Variants in CDK8 observed in about 807,000 individuals in gnomAD.
CDK8 encodes cyclin-dependent kinase 8.
A neutral mutation model predicts 71.5 loss-of-function variants in CDK8; 29 were observed. That is an observed-to-expected ratio of 0.41 (90% CI 0.30 to 0.55). The LOEUF is 0.55. Ranked by LOEUF, CDK8 falls within the 20% of genes least tolerant of loss-of-function variation. The pLI is 0.37. For synonymous variants in CDK8, 161 were observed against 192.1 expected (o/e 0.84, Z 1.34); for missense variants, 288 against 572.6 (o/e 0.50, Z 5.07).
At chr13:26,280,252 T>G (rs1386519088) in intron 1 of CDK8, among the ~76,000 whole-genome samples, 1 of 152,220 alleles carries the variant, frequency 6.6e-6, no homozygotes, top group East Asian at 1.9e-4. Context: ...CTTTCAAATA[T>G]TCATTTAAAC....
Position 26,254,853 on chromosome 13 carries a change from G to T in CDK8, c.128+84G>T. On this transcript the variant is annotated intron_variant, in intron 1 of 12. Transcript: ENST00000381527. The surrounding 1 kb of genome is among the most constrained non-coding windows in gnomAD (Gnocchi z 6.7). ...AGGTAGCCCGGAGGGAGAGCGGGCC[G>T]CCGGGGTGCCGGGCTCTGACTTCCT... 1 of 1,534,372 alleles carries T rather than the reference G, an allele frequency of 6.5e-7. No homozygotes were observed. The highest frequency in any genetic ancestry group is 8.8e-7 in the Non-Finnish European group (1 of 1,134,964).
intron 1 of CDK8, among the ~76,000 whole-genome samples, chr13:26,262,204 A>G (rs1332972089): frequency 1.3e-5 from 2 of 152,244 alleles, no homozygotes; most frequent in African/African-American, 4.8e-5. Context: ...CCTGCAAAAC[A>G]TAGTCATTCA....
chr13:26,274,025 T>C (rs188299048), intron 1 of CDK8, among the ~76,000 whole-genome samples: 2 of 152,306 alleles, frequency 1.3e-5, no homozygotes, highest in East Asian at 3.9e-4. Context: ...TATATGATTG[T>C]ACTTTAAAAA....
intron 5 of CDK8, among the ~76,000 whole-genome samples, chr13:26,384,246 G>T (rs1593303682): frequency 1.4e-5 from 2 of 147,614 alleles, no homozygotes; most frequent in African/African-American, 2.5e-5. Context: ...CAACTTTTGG[G>T]TTTTTTTTTT....
chr13:26,368,415 T>G (rs1318499523), intron 4 of CDK8, among the ~76,000 whole-genome samples: 1 of 152,202 alleles, frequency 6.6e-6, no homozygotes, highest in Non-Finnish European at 1.5e-5. Flanking sequence ...ATTCAAAATC[T>G]TTCCTAAACA....
intron 1 of CDK8, among the ~76,000 whole-genome samples, chr13:26,261,078 T>C (rs1871749223): frequency 6.6e-6 from 1 of 152,234 alleles, no homozygotes; most frequent in Admixed American, 6.5e-5. Context: ...TAGCAATCTT[T>C]TATCACCTCA....
chr13:26,353,244 A>C (rs1343368322), intron 3 of CDK8, among the ~76,000 whole-genome samples: 4 of 152,114 alleles, frequency 2.6e-5, no homozygotes, highest in Non-Finnish European at 4.4e-5. Context: ...TCCCATTTTT[A>C]CATTTTTCCA....
intron 1 of CDK8, among the ~76,000 whole-genome samples, chr13:26,280,231 A>G (rs146409036): frequency 8.3e-4 from 127 of 152,380 alleles, no homozygotes; most frequent in African/African-American, 2.8e-3. Flanking sequence ...TGGCTAAGAA[A>G]CTTAAATAAA....
intron 1 of CDK8, among the ~76,000 whole-genome samples, chr13:26,285,615 C>T (rs755430030): frequency 2.6e-5 from 4 of 152,126 alleles, no homozygotes; most frequent in Non-Finnish European, 2.9e-5. Context: ...CACTTCCATT[C>T]GACATTGTAC....
intron 1 of CDK8, among the ~76,000 whole-genome samples, chr13:26,255,321 A>G (rs952850361): frequency 3.9e-5 from 6 of 152,150 alleles, no homozygotes; most frequent in African/African-American, 1.2e-4. Context: ...AAATGTTGCA[A>G]TTGCTATTTA....
chr13:26,265,369 C>T (rs1407436421), intron 1 of CDK8, among the ~76,000 whole-genome samples: 1 of 152,094 alleles, frequency 6.6e-6, no homozygotes, highest in African/African-American at 2.4e-5. Flanking sequence ...ATGGAAGTAC[C>T]TAATCTGCCC....
At chr13:26,387,969 G>A (rs117252893) in intron 6 of CDK8, among the ~76,000 whole-genome samples, 10 of 152,316 alleles carry the variant, frequency 6.6e-5, no homozygotes, top group Admixed American at 1.3e-4. Flanking sequence ...TACATAGTAT[G>A]TAGTGAGAAC....
Position 26,401,540 on chromosome 13 carries a change from C to T in CDK8, c.1185C>T (p.His395=), listed in dbSNP as rs1249136784. 1.2e-6 allele frequency: 2 copies of T among 1,614,168 alleles called. No individual in the cohort carries two copies. Among genetic ancestry groups the T allele is most frequent in the Non-Finnish European group, 1.7e-6 (2 of 1,180,034 alleles). Residue 395 remains histidine, a synonymous_variant, in exon 12 of 13, where the codon CAC becomes CAT. Coordinates refer to ENST00000381527, the MANE Select transcript of CDK8 (RefSeq NM_001260.3). The surrounding 1 kb of genome is among the most constrained non-coding windows in gnomAD (Gnocchi z 4.5). Reference sequence around the variant, plus strand: ...ACCCAGGGAATCAAGACAGCAGTCACACACAGGGACCCCCGTTGAAGAAAG... The same window carrying T: ...ACCCAGGGAATCAAGACAGCAGTCATACACAGGGACCCCCGTTGAAGAAAG... ...TGHPGNQDSS[H]TQGPPLKKVR... is the part of the protein sequence containing the mutation.
chr13:26,380,609 C>A (rs1218749895), intron 4 of CDK8, among the ~76,000 whole-genome samples: 2 of 151,958 alleles, frequency 1.3e-5, no homozygotes, highest in African/African-American at 2.4e-5. Context: ...TTAGCAGGAA[C>A]TACAGGCGTG....
At chr13:26,369,585 G>A (rs1350008669) in intron 4 of CDK8, among the ~76,000 whole-genome samples, 6 of 131,458 alleles carry the variant, frequency 4.6e-5, no homozygotes, top group Non-Finnish European at 9.4e-5. Flanking sequence ...CTGGAGTGCA[G>A]TAGCGTGATC....
intron 1 of CDK8, among the ~76,000 whole-genome samples, chr13:26,263,052 A>C (rs1156976718): frequency 2.0e-5 from 3 of 152,250 alleles, no homozygotes; most frequent in Admixed American, 2.0e-4. Flanking sequence ...GGATTGAATA[A>C]AAAGAAAACT....
At chr13:26,315,813 C>G (rs1296085561) in intron 1 of CDK8, among the ~76,000 whole-genome samples, 1 of 152,128 alleles carries the variant, frequency 6.6e-6, no homozygotes, top group Non-Finnish European at 1.5e-5. Flanking sequence ...AAAGGACAAT[C>G]AGGATTCTGG....
At chr13:26,297,920 G>T (rs1437952970) in intron 1 of CDK8, among the ~76,000 whole-genome samples, 1 of 152,134 alleles carries the variant, frequency 6.6e-6, no homozygotes, top group African/African-American at 2.4e-5. Flanking sequence ...GTTATAGGGT[G>T]CTGTCCTCTC....
chr13:26,279,664 A>C (rs923310246), intron 1 of CDK8, among the ~76,000 whole-genome samples: 1 of 152,194 alleles, frequency 6.6e-6, no homozygotes, highest in African/African-American at 2.4e-5. Context: ...TTACCAACCA[A>C]ATTCAGTGGA....
Sources: allele counts gnomAD v4.1 joint callset (sites outside exome capture counted in the v4.1 genomes callset), GRCh38; gene constraint gnomAD v4.1.1; non-coding constraint Gnocchi (gnomAD v3.1); transcripts MANE v1.5; gene names NCBI Gene and HGNC (gene_info 2026-07-23, HGNC 2026-07-21).